The following KLK4 variants were observed in gnomAD, a reference collection of about 807,000 sequenced individuals.
The protein encoded by KLK4 is kallikrein-4.
KLK4 carries 24 observed loss-of-function variants against 24.3 expected under a neutral mutation model. The ratio of observed to expected loss-of-function variants is 0.99; its 90% confidence interval spans 0.72 to 1.39. The LOEUF (loss-of-function observed/expected upper bound fraction) is 1.39, where lower values mean the gene tolerates loss of function less well. KLK4 is among the 40% of genes most tolerant of loss of function. The pLI is 0.00. For synonymous variants in KLK4, 142 were observed against 138.8 expected (o/e 1.02, Z -0.16); for missense variants, 344 against 327.4 (o/e 1.05, Z -0.39).
rs1600049927 is a variant in KLK4, at chr19:50,910,578, G to A, written c.61+100C>T. The stretch of plus-strand genomic sequence containing the variant: ...ATAACACGGTACCGTCTCACAGGCA[G>A]CTTTGCAGTCACAAGCAAGAGGACA... On this transcript the variant is annotated intron_variant, in intron 2 of 5. Transcript: ENST00000324041. This position sits in a 1 kb window ranked among gnomAD's most constrained non-coding sequence, Gnocchi z 4.4. 7.4e-6 allele frequency: 8 copies of A among 1,084,012 alleles called. No individual in the cohort carries two copies. The highest frequency in any genetic ancestry group is 9.7e-6 in the Non-Finnish European group (7 of 720,456). The allele number at this position is 1,084,012 out of a possible 1,614,324, so 67.1% of individuals were successfully genotyped here. A position where few individuals can be genotyped will look rare whatever the true frequency, so the allele number is the denominator to read the frequency against.
intron 5 of KLK4, 107 bp downstream of exon 5, chr19:50,908,252 T>A: frequency 7.7e-7 from 1 of 1,307,062 alleles, no homozygotes; most frequent in South Asian, 1.2e-5. Context: ...ACTGTCTCCC[T>A]GTGTGTCTCT....
chr19:50,908,685 G>A (rs141292296), exon 4 of KLK4: 95 of 1,614,034 alleles, frequency 5.9e-5, no homozygotes, highest in Non-Finnish European at 7.9e-5. Context: ...ACACGGATTC[G>A]TCCAACTTGA....
intron 5 of KLK4, 148 bp downstream of exon 5, chr19:50,908,211 C>T: frequency 1.1e-6 from 1 of 949,692 alleles, no homozygotes; most frequent in Non-Finnish European, 1.7e-6. Flanking sequence ...GTTTATTTCT[C>T]TGTTTCTCTC....
At chr19:50,909,022 C>A in intron 3 of KLK4, 193 bp from the exon 4 acceptor site, 1 of 1,486,024 alleles carries the variant, frequency 6.7e-7, no homozygotes. Flanking sequence ...CCTTAGTTCA[C>A]TAGAGACTCA....
rs75987180 is a variant in KLK4, at chr19:50,908,100, C to T, written c.612+259G>A. On this transcript the variant is annotated intron_variant, in intron 5 of 5. Coordinates refer to ENST00000324041, the Ensembl canonical transcript of KLK4. ...TGGGTGGAGGTCACCGCCCTCAGGC[C>T]CCATGCTGTTGGAAGGTCAACTGCA... 1,354 of 554,142 alleles carry T rather than the reference C, an allele frequency of 2.4e-3. 28 individuals are homozygous for T. The East Asian group carries it at 0.038, about 15-fold the overall frequency. 34.3% of individuals were successfully genotyped at this position (554,142 alleles called of 1,614,324 possible).
intron 2 of KLK4, 134 bp from the exon 3 acceptor site, chr19:50,909,548 A>C: frequency 1.0e-6 from 1 of 971,564 alleles, no homozygotes; most frequent in South Asian, 1.4e-5. Context: ...CAGGGCTGGG[A>C]ACGGGCTCAG....
chr19:50,909,124 C>T, intron 3 of KLK4, 128 bp downstream of exon 3: 1 of 1,567,988 alleles, frequency 6.4e-7, no homozygotes, highest in South Asian at 1.2e-5. Flanking sequence ...CTCCCCGGAT[C>T]CAGGCTCATT....
rs536856557 is a variant in KLK4 at position 50,910,515 on chromosome 19, G to A, written c.61+163C>T. 2.6e-5 allele frequency among the ~76,000 whole-genome samples: 4 copies of A among 152,166 alleles called. No homozygotes were observed. Among genetic ancestry groups the A allele is most frequent in the South Asian group, 4.2e-4 (2 of 4,814 alleles). On this transcript the variant is annotated intron_variant, in intron 2 of 5. Coordinates refer to ENST00000324041, the Ensembl canonical transcript of KLK4. This position sits in a 1 kb window ranked among gnomAD's most constrained non-coding sequence, Gnocchi z 4.4. The stretch of plus-strand genomic sequence containing the variant: ...ACACTGCCACACACAAATTTACCAC[G>A]ATACAAGGAGTTGCAGGGGCACAGC...
At chr19:50,907,592 A>G (rs946150417) in intron 5 of KLK4, among the ~76,000 whole-genome samples, 9 of 152,078 alleles carry the variant, frequency 5.9e-5, no homozygotes, top group African/African-American at 1.9e-4. Context: ...TTTTTAGTAC[A>G]GACAGGATTT....
chr19:50,907,929 C>A (rs1217607927), intron 5 of KLK4: 4 of 279,788 alleles, frequency 1.4e-5, no homozygotes, highest in Admixed American at 1.0e-4. Flanking sequence ...TTAGAAATAT[C>A]AAAAAATTCC....
chr19:50,908,380 T>G lies in KLK4; in HGVS notation c.591A>C (p.Gln197His), dbSNP rs2569527. The G allele has an allele frequency of 4.1e-3, 6,655 of 1,613,828 alleles. 28 individuals are homozygous for G. Among genetic ancestry groups the G allele is most frequent in the Non-Finnish European group, 4.7e-3 (5,602 of 1,180,034 alleles). ...TCACGTTGCAGGAGTCCTTCTGGTCTTGCCCTCCGCCGGCGCAGAACATGC... is the reference window on the plus strand; with the variant it reads ...TCACGTTGCAGGAGTCCTTCTGGTCGTGCCCTCCGCCGGCGCAGAACATGC... The change falls in exon 5 of 6, where the codon CAA (glutamine) becomes CAC (histidine). Residue 197 changes from glutamine (Q) to histidine (H), a missense_variant. Gln to His is a conservative substitution (Grantham distance 24, BLOSUM62 0). Transcript: ENST00000324041.
chr19:50,908,437 G>A lies in KLK4; in HGVS notation c.534C>T (p.Cys178=), dbSNP rs758975931. ...GGTACAGCGGGTCATAGAGCTTACT[G>A]CAGACCTCCTCAGACACCACCGACA... Residue 178 remains cysteine (C), a synonymous_variant, in exon 5 of 6, where the codon TGC becomes TGT. Transcript: ENST00000324041. 91 of 1,614,014 alleles carry A rather than the reference G, an allele frequency of 5.6e-5. 1 individual carries two copies. In the South Asian group the frequency reaches 9.3e-4, roughly 17 times the overall value.
rs2090456544 is a variant in KLK4 at position 50,908,644 on chromosome 19, A to G, written c.410T>C (p.Ile137Thr). The change falls in exon 4 of 6, where the codon ATT (isoleucine) becomes ACT (threonine). Residue 137 changes from isoleucine to threonine, a missense_variant. By Grantham distance (89) the Ile-to-Thr change is moderately conservative. Coordinates refer to ENST00000324041, the Ensembl canonical transcript of KLK4. ...CCCCGCGGTAGGGCACTGCGAAGCA[A>G]TGCTGATGCTCCGGATGGTGTCAGA... The G allele has an allele frequency of 2.5e-6, 4 of 1,614,074 alleles. No homozygotes were observed. In the South Asian group the frequency reaches 4.4e-5, roughly 18 times the overall value.
chr19:50,910,775 C>G lies in KLK4; in HGVS notation c.-11-26G>C. The G allele has an allele frequency of 6.5e-7, 1 of 1,537,488 alleles. No individual in the cohort carries two copies. Among genetic ancestry groups the G allele is most frequent in the Non-Finnish European group, 8.8e-7 (1 of 1,134,090 alleles). On this transcript the variant is annotated intron_variant, in intron 1 of 5. Coordinates refer to ENST00000324041, the Ensembl canonical transcript of KLK4. The surrounding 1 kb of genome is among the most constrained non-coding windows in gnomAD (Gnocchi z 4.4). ...CTGGGGATGAGGACTGAGACTTAGCCGTGTCTGGGGATCTTCAGCCCAAGT... is the reference window on the plus strand; with the variant it reads ...CTGGGGATGAGGACTGAGACTTAGCGGTGTCTGGGGATCTTCAGCCCAAGT...
Position 50,910,350 on chromosome 19 carries a change from T to A in KLK4, c.61+328A>T, listed in dbSNP as rs1600049558. Among the ~76,000 whole-genome samples the A allele has an allele frequency of 6.6e-6, 1 of 151,948 alleles. No homozygotes were observed. The highest frequency in any genetic ancestry group is 6.6e-5 in the Admixed American group (1 of 15,254). ...GGAAGCAGGCACAGATTCCCAGCAA[T>A]GGATCACGCCCCAGGAAGCACAATC... On this transcript the variant is annotated intron_variant, in intron 2 of 5. Coordinates refer to ENST00000324041, the Ensembl canonical transcript of KLK4. This position sits in a 1 kb window ranked among gnomAD's most constrained non-coding sequence, Gnocchi z 4.4.
rs781163743 is a variant in KLK4, at chr19:50,908,846, G to T, written c.225-17C>A. On this transcript the variant is annotated splice_polypyrimidine_tract_variant and intron_variant, in intron 3 of 5. Coordinates refer to ENST00000324041, the Ensembl canonical transcript of KLK4. ...GTGTAGGAGCTGTGGGCCACGGAGG[G>T]CAGGTCAGTTTTGTGGCAACTACAT... The T allele has an allele frequency of 4.3e-6, 7 of 1,609,336 alleles. No individual in the cohort carries two copies. The highest frequency in any genetic ancestry group is 1.3e-5 in the African/African-American group (1 of 74,866).
At position 50,908,295 on chromosome 19, in the gene KLK4, G is replaced by A. The variant is rs527296702; in HGVS notation, c.612+64C>T. The A allele has an allele frequency of 4.4e-6, 7 of 1,594,188 alleles. No homozygotes were observed. The Admixed American group carries it at 1.0e-4, about 23-fold the overall frequency. On this transcript the variant is annotated intron_variant, in intron 5 of 5. Coordinates refer to ENST00000324041, the Ensembl canonical transcript of KLK4. ...TGCATCTCGCCATGCGGCCCTGTGT[G>A]TCTCTGTCTCCCCCTTCTCCACCCT...
At chr19:50,907,404 CT>C (rs147857832) in intron 5 of KLK4, among the ~76,000 whole-genome samples, 2,150 of 110,632 alleles carry the variant, frequency 0.019, 21 homozygotes, top group Middle Eastern at 0.063. Context: ...TTTGTAAAGT[CT>C]TTTTTTTTTT....
At position 50,910,905 on chromosome 19, in the gene KLK4, C is replaced by A. The variant is rs748904037; in HGVS notation, c.-11-156G>T. Among the ~76,000 whole-genome samples, 8 of 151,636 alleles carry A rather than the reference C, an allele frequency of 5.3e-5. No individual in the cohort carries two copies. The highest frequency in any genetic ancestry group is 1.0e-4 in the Non-Finnish European group (7 of 67,962). On this transcript the variant is annotated intron_variant, in intron 1 of 5. Coordinates refer to ENST00000324041, the Ensembl canonical transcript of KLK4. The surrounding 1 kb of genome is among the most constrained non-coding windows in gnomAD (Gnocchi z 4.4). Reference sequence around the variant, plus strand: ...CCTCTCCCATCCATGGACCCAGAACCTAGAGAGACAGATTTAGAGACTGAG... The same window carrying A: ...CCTCTCCCATCCATGGACCCAGAACATAGAGAGACAGATTTAGAGACTGAG...
Sources: gnomAD v4.1 joint callset for allele counts (sites outside exome capture counted in the v4.1 genomes callset) on GRCh38, gnomAD v4.1.1 for gene constraint, Gnocchi (gnomAD v3.1) non-coding constraint, MANE v1.5 for transcripts, NCBI Gene and HGNC (gene_info 2026-07-23, HGNC 2026-07-21) for gene names.